Variants in TARBP1 observed in about 807,000 individuals in gnomAD.
TARBP1 encodes tRNA (guanosine(18)-2'-O)-methyltransferase TARBP1.
TARBP1 carries 144 observed loss-of-function variants against 178.6 expected under a neutral mutation model. The observed-to-expected ratio is 0.81, with a 90% CI of 0.70 to 0.93. TARBP1 has a LOEUF of 0.93. TARBP1 is among the 40% of genes least tolerant of loss of function. TARBP1 has a pLI of 0.00. For synonymous variants in TARBP1, 787 were observed against 781.0 expected (o/e 1.01, Z -0.13); for missense variants, 2,067 against 2,011.7 (o/e 1.03, Z -0.53).
At chr1:234,466,487 C>T (rs894964920) in intron 4 of TARBP1, among the ~76,000 whole-genome samples, 6 of 150,390 alleles carry the variant, frequency 4.0e-5, no homozygotes, top group Non-Finnish European at 7.4e-5. Context: ...ACTCCAGCCT[C>T]GGCAACAGAG....
intron 9 of TARBP1, among the ~76,000 whole-genome samples, chr1:234,451,576 G>A (rs1468750661): frequency 3.9e-5 from 2 of 51,932 alleles, no homozygotes; most frequent in Non-Finnish European, 6.4e-5. Flanking sequence ...GTGAAACCCC[G>A]TCTCTACTAA....
At chr1:234,436,583 G>C (rs1665049193) in intron 13 of TARBP1, among the ~76,000 whole-genome samples, 1 of 152,092 alleles carries the variant, frequency 6.6e-6, no homozygotes, top group Non-Finnish European at 1.5e-5. Flanking sequence ...TGTGTAAGCT[G>C]TCAAACAAAT....
intron 12 of TARBP1, among the ~76,000 whole-genome samples, chr1:234,440,740 G>C (rs1665506253): frequency 6.6e-6 from 1 of 152,084 alleles, no homozygotes; most frequent in Non-Finnish European, 1.5e-5. Context: ...CTATATACTA[G>C]TAACACACAG....
rs866467439 is a variant in TARBP1, at chr1:234,478,695, C to A, written c.409G>T (p.Ala137Ser). Residue 137 changes from alanine (A) to serine (S), a missense_variant, in exon 1 of 30, where the codon GCC becomes TCC. Physicochemically the swap from Ala to Ser is moderately conservative, Grantham distance 99. Transcript: ENST00000040877. ...GCTAGCACTTCCACGGCAGCCTCGG[C>A]GCCAGGCGCGCGCCACCCGGCGAGC... ...DLLAGWRAPG[A>S]EAAVEVLAAV... 2 of 1,213,816 alleles carry A rather than the reference C, an allele frequency of 1.6e-6. No homozygotes were observed. Among genetic ancestry groups the A allele is most frequent in the Non-Finnish European group, 2.0e-6 (2 of 975,762 alleles). The allele number at this position is 1,213,816 out of a possible 1,614,324, so 75.2% of individuals were successfully genotyped here.
rs1161680013 is a variant in TARBP1 at position 234,448,538 on chromosome 1, G to A, written c.1903C>T (p.Leu635Phe). The stretch of plus-strand genomic sequence containing the variant: ...GCCAGCAAGACCATCAGAGAAACAA[G>A]CTTGGCTTCAAACCAATCAGGCATA... The part of the protein sequence containing the change: ...CFMPDWFEAK[L>F]VSLMVLLAVD... The change falls in exon 11 of 30, where the codon CTT becomes TTT. Residue 635 changes from leucine to phenylalanine, a missense_variant. By Grantham distance (22) the Leu-to-Phe change is conservative. Transcript: ENST00000040877. The A allele has an allele frequency of 1.2e-6, 2 of 1,613,942 alleles. No homozygotes were observed. Among genetic ancestry groups the A allele is most frequent in the Middle Eastern group, 1.6e-4 (1 of 6,062 alleles).
intron 10 of TARBP1, among the ~76,000 whole-genome samples, chr1:234,449,478 C>T (rs1436228111): frequency 7.2e-5 from 11 of 152,042 alleles, no homozygotes; most frequent in African/African-American, 2.4e-4. Flanking sequence ...TGAATGAAGC[C>T]ACAAAGGCCA....
chr1:234,396,376 G>A (rs141226561), intron 26 of TARBP1, among the ~76,000 whole-genome samples: 4 of 152,236 alleles, frequency 2.6e-5, no homozygotes, highest in African/African-American at 7.2e-5. Context: ...AGCTCTCGCC[G>A]GGACAGACCT....
rs899754426 is a variant in TARBP1, at chr1:234,400,012, T to A, written c.4071+1169A>T. On this transcript the variant is annotated intron_variant, in intron 25 of 29. Coordinates refer to ENST00000040877, the MANE Select transcript of TARBP1 (RefSeq NM_005646.4). ...GTAACTAACCTGCACATTGTGCACATGTAACCTAAAACTTAAAGTATAATA... is the reference window on the plus strand; with the variant it reads ...GTAACTAACCTGCACATTGTGCACAAGTAACCTAAAACTTAAAGTATAATA... 2.7e-4 allele frequency among the ~76,000 whole-genome samples: 40 copies of A among 149,850 alleles called. 1 individual carries two copies. Among genetic ancestry groups the A allele is most frequent in the African/African-American group, 8.4e-4 (34 of 40,600 alleles).
At chr1:234,462,508 G>A (rs1466617601) in intron 6 of TARBP1, among the ~76,000 whole-genome samples, 1 of 152,110 alleles carries the variant, frequency 6.6e-6, no homozygotes, top group Non-Finnish European at 1.5e-5. Context: ...GGCCAACACG[G>A]TGAAACCCTG....
At chr1:234,408,119 T>C (rs529062901) in intron 23 of TARBP1, among the ~76,000 whole-genome samples, 190 of 152,290 alleles carry the variant, frequency 1.2e-3, no homozygotes, top group Middle Eastern at 6.8e-3. Context: ...AAAGCTCTGC[T>C]CGTGAATTCT....
Position 234,478,541 on chromosome 1 carries a change from G to A in TARBP1, c.563C>T (p.Ala188Val), listed in dbSNP as rs765804825. The change falls in exon 1 of 30, where the codon GCG becomes GTG. Residue 188 changes from alanine to valine, a missense_variant. Transcript: ENST00000040877. ...GDEAGPAEDA[A>V]ALVAGRLLPV... ...CAGCAGTCGCCCGGCCACCAGCGCC[G>A]CCGCGTCCTCGGCAGGCCCGGCCTC... 1.3e-4 allele frequency: 181 copies of A among 1,360,728 alleles called. No individual in the cohort carries two copies. The African/African-American group carries it at 1.5e-3, about 11-fold the overall frequency. The allele number at this position is 1,360,728 out of a possible 1,614,324, so 84.3% of individuals were successfully genotyped here.
chr1:234,424,110 T>TACC (rs1299286368), intron 20 of TARBP1, among the ~76,000 whole-genome samples: 1 of 152,188 alleles, frequency 6.6e-6, no homozygotes, highest in Non-Finnish European at 1.5e-5. Flanking sequence ...GCTGACCTGC[T>TACC]ACCTTCAGAA....
chr1:234,395,670 T>C (rs1403299174), intron 26 of TARBP1, among the ~76,000 whole-genome samples: 1 of 152,202 alleles, frequency 6.6e-6, no homozygotes, highest in Non-Finnish European at 1.5e-5. Context: ...GGGCAGCAGA[T>C]AAGGATTTGA....
At chr1:234,392,584 C>A in intron 28 of TARBP1, 32 bp from the exon 29 acceptor site, 1 of 1,604,894 alleles carries the variant, frequency 6.2e-7, no homozygotes, top group South Asian at 1.1e-5. Context: ...ACAGAATATT[C>A]ATTCAGTTAT....
chr1:234,465,682 C>T lies in TARBP1; in HGVS notation c.1275G>A (p.Ala425=), dbSNP rs200406030. 5.3e-4 allele frequency: 825 copies of T among 1,569,622 alleles called. No individual in the cohort carries two copies. Among genetic ancestry groups the T allele is most frequent in the Non-Finnish European group, 6.8e-4 (797 of 1,165,484 alleles). Residue 425 remains alanine (A), a synonymous_variant, in exon 5 of 30, where the codon GCG becomes GCA. Transcript: ENST00000040877. The stretch of plus-strand genomic sequence containing the variant: ...TGCTATACAGAGAGCTCTCTGAAAG[C>T]GCATCCATTAATGGTCCAATAATAA... ...SEFIIGPLMD[A]LSESSLYSRS...
chr1:234,420,582 C>CA, intron 21 of TARBP1, 120 bp downstream of exon 21: 1 of 539,748 alleles, frequency 1.9e-6, no homozygotes, highest in Middle Eastern at 4.7e-4. Context: ...TTAAGAACTG[C>CA]AGAATAAATT....
At chr1:234,430,006 C>A in intron 15 of TARBP1, 81 bp downstream of exon 15, 1 of 1,361,794 alleles carries the variant, frequency 7.3e-7, no homozygotes, top group Non-Finnish European at 1.0e-6. Flanking sequence ...AATTCTATAA[C>A]TTTATAAGCA....
At chr1:234,401,318 G>C in intron 24 of TARBP1, 56 bp from the exon 25 acceptor site, 1 of 1,351,214 alleles carries the variant, frequency 7.4e-7, no homozygotes, top group Non-Finnish European at 1.0e-6. Flanking sequence ...TCTGGTGAGG[G>C]GAGAATCAAT....
At chr1:234,420,994 C>T (rs1026498353) in intron 20 of TARBP1, among the ~76,000 whole-genome samples, 182 bp from the exon 21 acceptor site, 1 of 152,192 alleles carries the variant, frequency 6.6e-6, no homozygotes, top group African/African-American at 2.4e-5. Context: ...CAAACATTGA[C>T]ATTTTGGGCT....
Sources: gnomAD v4.1 joint callset for allele counts (sites outside exome capture counted in the v4.1 genomes callset) on GRCh38, gnomAD v4.1.1 for gene constraint, MANE v1.5 for transcripts, NCBI Gene and HGNC (gene_info 2026-07-23, HGNC 2026-07-21) for gene names.